ZNF804B: variants seen among roughly 807,000 people sequenced by gnomAD.
The protein encoded by ZNF804B is zinc finger protein 804B.
A neutral mutation model predicts 101.4 loss-of-function variants in ZNF804B; 80 were observed. That is an observed-to-expected ratio of 0.79 (90% CI 0.66 to 0.95). The LOEUF (loss-of-function observed/expected upper bound fraction) is 0.95. Ranked by LOEUF, ZNF804B falls within the 40% of genes least tolerant of loss-of-function variation. The pLI is 0.00. For synonymous variants in ZNF804B, 622 were observed against 558.8 expected (o/e 1.11, Z -1.59); for missense variants, 1,673 against 1,561.9 (o/e 1.07, Z -1.20).
chr7:88,796,115 G>A (rs531253086), intron 1 of ZNF804B, among the ~76,000 whole-genome samples: 1 of 152,100 alleles, frequency 6.6e-6, no homozygotes, highest in South Asian at 2.1e-4. Flanking sequence ...AACTTAATGT[G>A]ATTTTAAGAG....
At chr7:88,799,504 A>G (rs138779913) in intron 1 of ZNF804B, among the ~76,000 whole-genome samples, 42 of 152,164 alleles carry the variant, frequency 2.8e-4, no homozygotes, top group African/African-American at 9.9e-4. Flanking sequence ...CCCCCTGTCT[A>G]TGAGATGATT....
At chr7:88,791,674 A>G (rs1386447025) in intron 1 of ZNF804B, among the ~76,000 whole-genome samples, 17 of 152,126 alleles carry the variant, frequency 1.1e-4, no homozygotes, top group Non-Finnish European at 1.9e-4. Flanking sequence ...TTGGCCTACT[A>G]GTACATTTTT....
At chr7:88,874,181 T>C (rs1791885690) in intron 1 of ZNF804B, among the ~76,000 whole-genome samples, 2 of 152,160 alleles carry the variant, frequency 1.3e-5, no homozygotes, top group African/African-American at 4.8e-5. Context: ...AAAGAGGTCC[T>C]TCACATCCCT....
In ZNF804B at chr7:88,992,759, T is replaced by A. The variant is rs1334386543; in HGVS notation, c.109-225396T>A. On this transcript the variant is annotated intron_variant, in intron 1 of 3. Transcript: ENST00000333190. Reference sequence around the variant, plus strand: ...TCATTATATTCACAGTCCCAGATATTAGGATACAGAATCTTGGTGGACCAC... The same window carrying A: ...TCATTATATTCACAGTCCCAGATATAAGGATACAGAATCTTGGTGGACCAC... Among the ~76,000 whole-genome samples, 7 of 152,172 alleles carry A rather than the reference T, an allele frequency of 4.6e-5. No homozygotes were observed. The South Asian group carries it at 1.5e-3, about 32-fold the overall frequency.
intron 1 of ZNF804B, among the ~76,000 whole-genome samples, chr7:89,004,426 A>G (rs1010989186): frequency 6.6e-6 from 1 of 151,952 alleles, no homozygotes; most frequent in African/African-American, 2.4e-5. Flanking sequence ...TACACAGGGA[A>G]TGTGACTTTA....
At chr7:88,969,917 CAAAAA>C (rs1455394290) in intron 1 of ZNF804B, among the ~76,000 whole-genome samples, 1 of 151,236 alleles carries the variant, frequency 6.6e-6, no homozygotes, top group Non-Finnish European at 1.5e-5. Context: ...GAATTATTTC[CAAAAA>C]TGAGAATCTT....
At chr7:89,289,150 A>G (rs34779542) in intron 2 of ZNF804B, among the ~76,000 whole-genome samples, 37,043 of 150,732 alleles carry the variant, frequency 0.25, 4,709 homozygotes, top group Non-Finnish European at 0.27. Context: ...ATCTATTACA[A>G]TGGTAAGAAA....
intron 1 of ZNF804B, among the ~76,000 whole-genome samples, chr7:88,864,905 C>A (rs180909960): frequency 6.6e-6 from 1 of 152,146 alleles, no homozygotes; most frequent in Non-Finnish European, 1.5e-5. Context: ...ACTTGATTTT[C>A]TTCTAAGCTC....
intron 1 of ZNF804B, among the ~76,000 whole-genome samples, chr7:89,061,928 G>A (rs1256137487): frequency 6.6e-6 from 1 of 151,814 alleles, no homozygotes; most frequent in Non-Finnish European, 1.5e-5. Context: ...GTATACTCTT[G>A]GCCAAGTCAG....
intron 2 of ZNF804B, among the ~76,000 whole-genome samples, chr7:89,234,956 C>G (rs887705041): frequency 6.6e-6 from 1 of 152,182 alleles, no homozygotes; most frequent in African/African-American, 2.4e-5. Context: ...CTAATAAACC[C>G]TCTCTCTTAT....
intron 1 of ZNF804B, among the ~76,000 whole-genome samples, chr7:89,057,314 G>A (rs1026943262): frequency 1.3e-5 from 2 of 151,958 alleles, no homozygotes; most frequent in Non-Finnish European, 2.9e-5. Flanking sequence ...CCGGATTGAT[G>A]CTTAACTATA....
intron 1 of ZNF804B, among the ~76,000 whole-genome samples, chr7:88,937,102 A>G (rs1792983534): frequency 6.9e-6 from 1 of 145,516 alleles, no homozygotes; most frequent in Admixed American, 7.1e-5. Context: ...CTTTGAAAAA[A>G]CTATGAGAAT....
chr7:88,854,427 CTTTCTTTCTTT>C (rs1562812634), intron 1 of ZNF804B, among the ~76,000 whole-genome samples: 9 of 116,020 alleles, frequency 7.8e-5, no homozygotes, highest in African/African-American at 2.7e-4. Context: ...TTCTTTCTTT[CTTTCTTTCTTT>C]CTTTCTTTCT....
At chr7:88,858,229 A>C (rs947155033) in intron 1 of ZNF804B, among the ~76,000 whole-genome samples, 2 of 152,158 alleles carry the variant, frequency 1.3e-5, no homozygotes, top group Non-Finnish European at 2.9e-5. Context: ...CTAACCTCTG[A>C]GTTTTTCTTG....
intron 1 of ZNF804B, among the ~76,000 whole-genome samples, chr7:89,138,534 A>C (rs1790670260): frequency 6.6e-6 from 1 of 152,044 alleles, no homozygotes; most frequent in Admixed American, 6.6e-5. Context: ...CTTTGGAGTT[A>C]ATGGTGAAAT....
intron 1 of ZNF804B, among the ~76,000 whole-genome samples, chr7:88,830,078 A>G (rs1243146019): frequency 2.6e-5 from 4 of 152,134 alleles, no homozygotes; most frequent in Non-Finnish European, 5.9e-5. Context: ...GGATTTGTTT[A>G]GGGAGTGTGC....
intron 1 of ZNF804B, among the ~76,000 whole-genome samples, chr7:89,033,469 A>G (rs1788872512): frequency 6.6e-6 from 1 of 152,148 alleles, no homozygotes; most frequent in African/African-American, 2.4e-5. Flanking sequence ...TATTTTGGAT[A>G]AATACTGAAA....
rs748660460 is a variant in ZNF804B, at chr7:89,334,226, A to G, written c.1244A>G (p.Asp415Gly). 8 of 1,613,460 alleles carry G rather than the reference A, an allele frequency of 5.0e-6. No individual in the cohort carries two copies. Among genetic ancestry groups the G allele is most frequent in the African/African-American group, 1.3e-5 (1 of 74,920 alleles). ...SRIENREKSLDKTERVSKNVQ... is the reference protein window; with the variant it reads ...SRIENREKSLGKTERVSKNVQ... ...ATAGAGAACAGAGAAAAATCTTTAGATAAAACAGAAAGAGTTAGCAAAAAT... is the reference window on the plus strand; with the variant it reads ...ATAGAGAACAGAGAAAAATCTTTAGGTAAAACAGAAAGAGTTAGCAAAAAT... Residue 415 changes from aspartate (D) to glycine (G), a missense_variant, in exon 4 of 4, where the codon GAT (aspartate) becomes GGT (glycine). Coordinates refer to ENST00000333190, the MANE Select transcript of ZNF804B (RefSeq NM_181646.5).
At chr7:89,274,846 T>A (rs1185065197) in intron 2 of ZNF804B, among the ~76,000 whole-genome samples, 1 of 151,892 alleles carries the variant, frequency 6.6e-6, no homozygotes, top group Non-Finnish European at 1.5e-5. Context: ...TCTTTTTCAG[T>A]CTCACTGTGG....
Sources: allele counts gnomAD v4.1 joint callset (sites outside exome capture counted in the v4.1 genomes callset), GRCh38; gene constraint gnomAD v4.1.1; transcripts MANE v1.5; gene names NCBI Gene and HGNC (gene_info 2026-07-23, HGNC 2026-07-21).